The following C2orf49 variants were observed in gnomAD, a reference collection of about 807,000 sequenced individuals.
C2orf49 encodes the protein tRNA-splicing ligase complex subunit ASW.
A neutral mutation model predicts 20.6 loss-of-function variants in C2orf49; 11 were observed. The ratio of observed to expected loss-of-function variants is 0.53; its 90% CI spans 0.34 to 0.88. The LOEUF is 0.88. Ranked by LOEUF, C2orf49 falls within the 40% of genes least tolerant of loss-of-function variation. The pLI, the probability that C2orf49 is intolerant of heterozygous loss-of-function variation, is 0.02. For synonymous variants in C2orf49, 134 were observed against 108.5 expected, an observed-to-expected ratio of 1.24 and a Z score of -1.46; for missense variants, 289 against 274.2, an observed-to-expected ratio of 1.05 and a Z score of -0.38.
the C2orf49 span, among the ~76,000 whole-genome samples, chr2:105,384,555 T>C: frequency 1.3e-5 from 2 of 152,194 alleles, no homozygotes; most frequent in Admixed American, 1.3e-4. Flanking sequence ...TGTCCCAGGC[T>C]GGAGTGCAGT....
At chr2:105,361,247 T>A in the C2orf49 span, 1 of 1,593,122 alleles carries the variant, frequency 6.3e-7, no homozygotes, top group South Asian at 1.1e-5. Context: ...AAAATCTGTG[T>A]GTGAGATCAC....
chr2:105,375,708 A>G, the C2orf49 span: 1 of 152,146 alleles, frequency 6.6e-6, no homozygotes, highest in East Asian at 1.9e-4. Context: ...TGAGCCCAGC[A>G]CCTCTGGGTA....
chr2:105,354,948 T>C, the C2orf49 span, among the ~76,000 whole-genome samples: 2 of 152,144 alleles, frequency 1.3e-5, no homozygotes, highest in African/African-American at 4.8e-5. Flanking sequence ...CATGGGTTTT[T>C]CAAACATAAA....
At chr2:105,353,096 G>A (rs1179235349), downstream of C2orf49, among the ~76,000 whole-genome samples, 1 of 152,164 alleles carries the variant, frequency 6.6e-6, no homozygotes, top group Non-Finnish European at 1.5e-5. Context: ...CAGCGAGTAT[G>A]CAAAGCACAG....
chr2:105,351,304 G>GCCCCC (rs1679926087), downstream of C2orf49, among the ~76,000 whole-genome samples: 1 of 85,670 alleles, frequency 1.2e-5, no homozygotes, highest in Non-Finnish European at 2.5e-5. Context: ...TGTCATTTTT[G>GCCCCC]CCCACCGCGC....
At chr2:105,356,687 G>C in the C2orf49 span, among the ~76,000 whole-genome samples, 8 of 152,204 alleles carry the variant, frequency 5.3e-5, no homozygotes, top group African/African-American at 1.9e-4. Context: ...AGTTTTGCCT[G>C]TTGACATTTG....
chr2:105,350,463 C>G (rs1471971307), downstream of C2orf49, among the ~76,000 whole-genome samples: 1 of 152,178 alleles, frequency 6.6e-6, no homozygotes, highest in East Asian at 1.9e-4. Flanking sequence ...TGAGACTTAA[C>G]CAAGCATTCA....
downstream of C2orf49, among the ~76,000 whole-genome samples, chr2:105,350,979 T>C (rs1189550012): frequency 1.3e-5 from 2 of 152,220 alleles, no homozygotes; most frequent in African/African-American, 4.8e-5. Flanking sequence ...TTAGTTGTCA[T>C]GTCATGTTAG....
chr2:105,361,218 G>A, the C2orf49 span: 4 of 1,522,808 alleles, frequency 2.6e-6, no homozygotes, highest in Non-Finnish European at 3.6e-6. Context: ...AAGATTGCCT[G>A]GGTGAGAAAG....
At chr2:105,368,115 G>A in the C2orf49 span, among the ~76,000 whole-genome samples, 3 of 152,182 alleles carry the variant, frequency 2.0e-5, no homozygotes, top group African/African-American at 7.2e-5. Flanking sequence ...TTGGAGTCTA[G>A]GGACTGTATT....
At chr2:105,363,461 G>A in the C2orf49 span, 238 of 1,608,320 alleles carry the variant, frequency 1.5e-4, no homozygotes, top group Non-Finnish European at 1.9e-4. Flanking sequence ...GACCCCTCCC[G>A]TGGTGATGGG....
chr2:105,339,826 ATAAACT>A (rs974055110), intron 2 of C2orf49, 77 bp downstream of exon 2: 3 of 1,306,372 alleles, frequency 2.3e-6, no homozygotes, highest in East Asian at 2.7e-5. Flanking sequence ...TTTTCCTGAG[ATAAACT>A]TAAGTAAAAA....
chr2:105,361,384 C>G, the C2orf49 span: 1 of 1,614,014 alleles, frequency 6.2e-7, no homozygotes, highest in African/African-American at 1.3e-5. Flanking sequence ...TTAAAGCAGT[C>G]GTTATGCCAC....
the C2orf49 span, among the ~76,000 whole-genome samples, chr2:105,368,518 A>G: frequency 1.3e-5 from 2 of 152,162 alleles, no homozygotes; most frequent in Non-Finnish European, 2.9e-5. Flanking sequence ...TTACTTGTAC[A>G]TCCCATTTAG....
chr2:105,370,580 G>C, the C2orf49 span, among the ~76,000 whole-genome samples: 1 of 152,094 alleles, frequency 6.6e-6, no homozygotes, highest in Non-Finnish European at 1.5e-5. Context: ...TTGTGTGGGG[G>C]GTGTGGAGCT....
At chr2:105,361,304 G>A in the C2orf49 span, 290,402 of 1,613,040 alleles carry the variant, frequency 0.18, 27,859 homozygotes, top group Middle Eastern at 0.2. Context: ...TCCCACAGTC[G>A]GGGCACAGGA....
the C2orf49 span, among the ~76,000 whole-genome samples, chr2:105,366,112 G>A: frequency 6.6e-6 from 1 of 152,038 alleles, no homozygotes; most frequent in Non-Finnish European, 1.5e-5. Flanking sequence ...GGGAGGCTGA[G>A]GCAGGAGAAA....
Position 105,345,970 on chromosome 2 carries a change from A to T in C2orf49, c.*599A>T, listed in dbSNP as rs1345046080. On this transcript the variant is annotated 3_prime_UTR_variant, in exon 4 of 4. Coordinates refer to ENST00000258457, the MANE Select transcript of C2orf49 (RefSeq NM_024093.3). ...AAGAGCGAAACTCCATCTCAAAAAA[A>T]AAAAAGCATTCAGTGAATTTTCGGA... is the stretch of plus-strand genomic sequence containing the variant. 2 of 152,322 alleles carry T rather than the reference A, an allele frequency of 1.3e-5. No individual in the cohort carries two copies. Among genetic ancestry groups the T allele is most frequent in the African/African-American group, 4.8e-5 (2 of 41,422 alleles). 9.4% of individuals were successfully genotyped at this position (152,322 alleles called of 1,614,324 possible).
At chr2:105,379,941 G>T in the C2orf49 span, among the ~76,000 whole-genome samples, 1 of 152,220 alleles carries the variant, frequency 6.6e-6, no homozygotes, top group Non-Finnish European at 1.5e-5. Flanking sequence ...AAACTCGTAG[G>T]TAACTAATTA....
Sources: allele counts gnomAD v4.1 joint callset (sites outside exome capture counted in the v4.1 genomes callset), GRCh38; gene constraint gnomAD v4.1.1; transcripts MANE v1.5; gene names NCBI Gene and HGNC (gene_info 2026-07-23, HGNC 2026-07-21).